SRRM2: variants seen among roughly 807,000 people sequenced by gnomAD.
SRRM2 encodes serine/arginine repetitive matrix protein 2.
In SRRM2, 30 loss-of-function variants were observed where a neutral mutation model predicts 213.8. That is an observed-to-expected ratio of 0.14 (90% CI 0.10 to 0.19). SRRM2 has a LOEUF of 0.19. Ranked by LOEUF, SRRM2 falls within the 10% of genes least tolerant of loss-of-function variation. The probability of loss-of-function intolerance (pLI) is 1.00; values close to 1 mark genes in which losing one functional copy is unlikely to be tolerated. For missense variants in SRRM2, 4,904 were observed against 3,647.0 expected, an observed-to-expected ratio of 1.34 and a Z score of -8.88; for synonymous variants, 2,025 against 1,377.7, an observed-to-expected ratio of 1.47 and a Z score of -10.40.
In SRRM2 at chr16:2,760,465, G is replaced by A. The variant is rs778575850; in HGVS notation, c.998G>A (p.Ser333Asn). The change falls in exon 10 of 15, where the codon AGC (serine) becomes AAC (asparagine). Residue 333 changes from serine to asparagine, a missense_variant. Physicochemically the swap from Ser to Asn is conservative, Grantham distance 46. Transcript: ENST00000301740. ...GAGACTGCTACGAAACAGCCTAGCA[G>A]CCCTTATGAAGACAAAGATAAAGAC... ...SPETATKQPS[S>N]PYEDKDKDKK... is the part of the protein sequence containing the mutation. The A allele has an allele frequency of 6.2e-7, 1 of 1,614,212 alleles. No homozygotes were observed. The highest frequency in any genetic ancestry group is 1.7e-5 in the Admixed American group (1 of 60,026).
chr16:2,758,155 C>G (rs2068214095), intron 4 of SRRM2, among the ~76,000 whole-genome samples: 1 of 152,168 alleles, frequency 6.6e-6, no homozygotes. Context: ...CAGGAGATCA[C>G]TTGAGGCCAG....
At position 2,766,558 on chromosome 16, in the gene SRRM2, C is replaced by T; in HGVS notation, c.6030C>T (p.Thr2010=). The T allele has an allele frequency of 6.2e-7, 1 of 1,613,588 alleles. No individual in the cohort carries two copies. Among genetic ancestry groups the T allele is most frequent in the Non-Finnish European group, 8.5e-7 (1 of 1,179,872 alleles). ...PVTRRRSRSR[T]SPVTRRRSRS... is the part of the protein sequence containing the mutation. ...CTCGAAGAAGGTCCCGCTCTCGAAC[C>T]TCACCAGTGACACGCCGCCGCTCTA... The change falls in exon 11 of 15, where the codon ACC becomes ACT. Residue 2010 remains threonine, a synonymous_variant. Transcript: ENST00000301740. This position sits in a 1 kb window ranked among gnomAD's most constrained non-coding sequence, Gnocchi z 7.0.
In SRRM2 at chr16:2,752,740, C is replaced by T; in HGVS notation, c.-138C>T. On this transcript the variant is annotated 5_prime_UTR_variant, in exon 1 of 15. Transcript: ENST00000301740. ...AGGCGTCGGCGTCGGCTGAGGCGGGCGGACCGGCGAGGCGAGGCGGCGGCC... is the reference window on the plus strand; with the variant it reads ...AGGCGTCGGCGTCGGCTGAGGCGGGTGGACCGGCGAGGCGAGGCGGCGGCC... 1.1e-5 allele frequency: 4 copies of T among 349,640 alleles called. No individual in the cohort carries two copies. Among genetic ancestry groups the T allele is most frequent in the East Asian group, 1.5e-4 (1 of 6,622 alleles). The allele number at this position is 349,640 out of a possible 1,614,324, so 21.7% of individuals were successfully genotyped here.
chr16:2,761,735 C>A lies in SRRM2; in HGVS notation c.1207C>A (p.Arg403Ser). The change falls in exon 11 of 15, where the codon CGT (arginine) becomes AGT (serine). Residue 403 changes from arginine (R) to serine (S), a missense_variant. Physicochemically the swap from Arg to Ser is moderately radical, Grantham distance 110. Coordinates refer to ENST00000301740, the MANE Select transcript of SRRM2 (RefSeq NM_016333.4). Reference protein sequence around the residue: ...PPSEASPTRDRSPPKSPEKLP... With the variant: ...PPSEASPTRDSSPPKSPEKLP... ...ATCTGAGGCCTCTCCAACTCGGGAC[C>A]GTTCACCACCTAAGTCTCCCGAGAA... is the stretch of plus-strand genomic sequence containing the variant. The A allele has an allele frequency of 6.2e-7, 1 of 1,611,256 alleles. No homozygotes were observed. Among genetic ancestry groups the A allele is most frequent in the Non-Finnish European group, 8.5e-7 (1 of 1,178,516 alleles).
rs772133548 is a variant in SRRM2 at position 2,765,189 on chromosome 16, A to G, written c.4661A>G (p.Gln1554Arg). Reference protein sequence around the residue: ...ELDVKPSASPQERSESDSSPD... With the variant: ...ELDVKPSASPRERSESDSSPD... ...GATGTGAAACCCAGTGCATCCCCTCAGGAAAGAAGTGAGTCAGACTCTTCT... is the reference window on the plus strand; with the variant it reads ...GATGTGAAACCCAGTGCATCCCCTCGGGAAAGAAGTGAGTCAGACTCTTCT... Residue 1554 changes from glutamine to arginine, a missense_variant, in exon 11 of 15, where the codon CAG (glutamine) becomes CGG (arginine). Transcript: ENST00000301740. 6.2e-7 allele frequency: 1 copy of G among 1,614,212 alleles called. No homozygotes were observed. The highest frequency in any genetic ancestry group is 1.3e-5 in the African/African-American group (1 of 75,042).
At chr16:2,759,731 G>A (rs977980898) in intron 9 of SRRM2, 70 bp downstream of exon 9, 244 of 1,450,712 alleles carry the variant, frequency 1.7e-4, no homozygotes, top group Middle Eastern at 1.2e-3. Context: ...TTTATTGAGC[G>A]CCCACGGTGT....
In SRRM2 at chr16:2,764,899, C is replaced by T; in HGVS notation, c.4371C>T (p.His1457=). ...LRDGSGTPSR[H]SLSGSSPGMK... is the part of the protein sequence containing the mutation. The stretch of plus-strand genomic sequence containing the variant: ...ATGGGTCTGGGACTCCCTCGAGGCA[C>T]AGCCTGTCTGGGTCCTCTCCTGGAA... Residue 1457 remains histidine (H), a synonymous_variant, in exon 11 of 15, where the codon CAC becomes CAT. Transcript: ENST00000301740. 6.2e-7 allele frequency: 1 copy of T among 1,614,178 alleles called. No homozygotes were observed. Among genetic ancestry groups the T allele is most frequent in the Non-Finnish European group, 8.5e-7 (1 of 1,180,034 alleles).
intron 13 of SRRM2, 60 bp downstream of exon 13, chr16:2,770,525 G>T: frequency 6.4e-7 from 1 of 1,563,000 alleles, no homozygotes; most frequent in Non-Finnish European, 8.7e-7. Flanking sequence ...TTTCTACAAA[G>T]AAGAAAGCTT....
chr16:2,762,678 C>G lies in SRRM2; in HGVS notation c.2150C>G (p.Thr717Arg). The part of the protein sequence containing the change: ...LVRRGRSHSR[T>R]PQRRGRSGSS... The stretch of plus-strand genomic sequence containing the variant: ...AGACGTGGAAGATCTCACTCTAGAA[C>G]ACCTCAAAGAAGAGGCAGATCTGGC... Residue 717 changes from threonine (T) to arginine (R), a missense_variant, in exon 11 of 15, where the codon ACA (threonine) becomes AGA (arginine). Coordinates refer to ENST00000301740, the MANE Select transcript of SRRM2 (RefSeq NM_016333.4). 1 of 1,614,146 alleles carries G rather than the reference C, an allele frequency of 6.2e-7. No homozygotes were observed. The highest frequency in any genetic ancestry group is 8.5e-7 in the Non-Finnish European group (1 of 1,180,006).
chr16:2,769,582 G>C, intron 12 of SRRM2: 1 of 638,334 alleles, frequency 1.6e-6, no homozygotes, highest in South Asian at 1.5e-5. Flanking sequence ...GCTACTGCCA[G>C]GGCTCTGGTC....
In SRRM2 at chr16:2,760,262, A is replaced by T. The variant is rs1013069413; in HGVS notation, c.834-39A>T. 2.5e-6 allele frequency: 4 copies of T among 1,593,812 alleles called. No homozygotes were observed. In the Admixed American group the frequency reaches 6.9e-5, roughly 27 times the overall value. ...GGTTTTCTGTTCTCCCTTTGAGCTG[A>T]TTTCCTTCCTCTCCCACGTCCTCAA... On this transcript the variant is annotated intron_variant, in intron 9 of 14. Coordinates refer to ENST00000301740, the MANE Select transcript of SRRM2 (RefSeq NM_016333.4).
chr16:2,759,125 TC>T lies in SRRM2; in HGVS notation c.657-14del. 6.2e-7 allele frequency: 1 copy of T among 1,614,154 alleles called. No individual in the cohort carries two copies. Among genetic ancestry groups the T allele is most frequent in the Non-Finnish European group, 8.5e-7 (1 of 1,180,022 alleles). On this transcript the variant is annotated splice_polypyrimidine_tract_variant and intron_variant, in intron 6 of 14. Transcript: ENST00000301740. ...GAGGTGTTTCTTATGTTTTTTCTTC[TC>T]TTTTTTCCAACAGGTCAGAATCTGA... is the stretch of plus-strand genomic sequence containing the variant.
intron 1 of SRRM2, among the ~76,000 whole-genome samples, chr16:2,754,245 C>G (rs894806238): frequency 5.3e-5 from 8 of 151,718 alleles, no homozygotes; most frequent in South Asian, 4.2e-4. Flanking sequence ...CCTAAAAGTT[C>G]TCCGAAACAT....
chr16:2,759,764 C>T (rs1271021507), intron 9 of SRRM2, 103 bp downstream of exon 9: 3 of 1,006,708 alleles, frequency 3.0e-6, no homozygotes, highest in African/African-American at 1.6e-5. Context: ...ACAGACCATT[C>T]GGAAGACACG....
At position 2,762,483 on chromosome 16, in the gene SRRM2, C is replaced by A. The variant is rs1385152659; in HGVS notation, c.1955C>A (p.Pro652Gln). 6.2e-7 allele frequency: 1 copy of A among 1,613,800 alleles called. No homozygotes were observed. Among genetic ancestry groups the A allele is most frequent in the Non-Finnish European group, 8.5e-7 (1 of 1,179,840 alleles). Residue 652 changes from proline to glutamine, a missense_variant, in exon 11 of 15, where the codon CCA becomes CAA. Transcript: ENST00000301740. ...RRSGRSRSRT[P>Q]ARRGRSRSRT... ...AGTGGCAGGTCACGCTCTAGAACCCCAGCTAGACGTGGCCGCTCACGCTCC... is the reference window on the plus strand; with the variant it reads ...AGTGGCAGGTCACGCTCTAGAACCCAAGCTAGACGTGGCCGCTCACGCTCC...
chr16:2,761,691 A>G lies in SRRM2; in HGVS notation c.1163A>G (p.Gln388Arg). The G allele has an allele frequency of 1.2e-6, 2 of 1,604,504 alleles. No homozygotes were observed. Among genetic ancestry groups the G allele is most frequent in the Non-Finnish European group, 1.7e-6 (2 of 1,175,362 alleles). ...PQPLATTPLSQEPVNPPSEAS... is the reference protein window; with the variant it reads ...PQPLATTPLSREPVNPPSEAS... ...CCCCTTGCAACCACCCCCTTAAGCC[A>G]GGAGCCAGTGAACCCCCCATCTGAG... The change falls in exon 11 of 15, where the codon CAG becomes CGG. Residue 388 changes from glutamine to arginine, a missense_variant. By Grantham distance (43) the Gln-to-Arg change is conservative. Transcript: ENST00000301740.
At position 2,759,582 on chromosome 16, in the gene SRRM2, A is replaced by C. The variant is rs750378747; in HGVS notation, c.754A>C (p.Thr252Pro). ...GTCTTCCTTCAGGTCTCGAAGTACA[A>C]CACCAGCCCCCAAGAGCCGCCGGGC... ...DKKRKRSRSTTPAPKSRRAHR... is the reference protein window; with the variant it reads ...DKKRKRSRSTPPAPKSRRAHR... The change falls in exon 9 of 15, where the codon ACA (threonine) becomes CCA (proline). Residue 252 changes from threonine (T) to proline (P), a missense_variant. By Grantham distance (38) the Thr-to-Pro change is conservative. Coordinates refer to ENST00000301740, the MANE Select transcript of SRRM2 (RefSeq NM_016333.4). The C allele has an allele frequency of 1.1e-5, 17 of 1,614,018 alleles. No homozygotes were observed. Among genetic ancestry groups the C allele is most frequent in the Admixed American group, 3.3e-5 (2 of 60,006 alleles).
intron 5 of SRRM2, 58 bp downstream of exon 5, chr16:2,758,605 T>G (rs534749309): frequency 1.4e-5 from 22 of 1,531,380 alleles, no homozygotes; most frequent in Non-Finnish European, 2.0e-5. Flanking sequence ...GGTGTACCTT[T>G]CTCTCTGGAA....
chr16:2,760,744 A>G lies in SRRM2; in HGVS notation c.1032+245A>G, dbSNP rs956083594. On this transcript the variant is annotated intron_variant, in intron 10 of 14. Coordinates refer to ENST00000301740, the MANE Select transcript of SRRM2 (RefSeq NM_016333.4). ...GTTTTATATTGTGTCTTGTTTATAC[A>G]TAGATAGAACTGGAACAAACGTTGT... 2.0e-5 allele frequency: 10 copies of G among 488,668 alleles called. No individual in the cohort carries two copies. In the Admixed American group the frequency reaches 2.3e-4, roughly 11 times the overall value. 30.3% of individuals were successfully genotyped at this position (488,668 alleles called of 1,614,324 possible). A position where few individuals can be genotyped will look rare whatever the true frequency, so the allele number is the denominator to read the frequency against.
Sources: gnomAD v4.1 joint callset for allele counts (sites outside exome capture counted in the v4.1 genomes callset) on GRCh38, gnomAD v4.1.1 for gene constraint, Gnocchi (gnomAD v3.1) non-coding constraint, MANE v1.5 for transcripts, NCBI Gene and HGNC (gene_info 2026-07-23, HGNC 2026-07-21) for gene names.